The following SHANK2 variants were observed in gnomAD, a reference collection of about 807,000 sequenced individuals.
The protein encoded by SHANK2 is SH3 and multiple ankyrin repeat domains protein 2.
Under a neutral mutation model 133.7 loss-of-function variants are expected in SHANK2, and 43 were observed. The observed-to-expected ratio is 0.32, with a 90% CI of 0.25 to 0.41. The LOEUF (loss-of-function observed/expected upper bound fraction) is 0.41. Ranked by LOEUF, SHANK2 falls within the 10% of genes least tolerant of loss-of-function variation. SHANK2 has a pLI of 1.00. For synonymous variants in SHANK2, 1,017 were observed against 952.8 expected (o/e 1.07, Z -1.24); for missense variants, 1,994 against 2,235.8 (o/e 0.89, Z 2.18).
At chr11:71,159,384 T>A (rs1468440614) in intron 2 of SHANK2, among the ~76,000 whole-genome samples, 3 of 152,158 alleles carry the variant, frequency 2.0e-5, no homozygotes, top group African/African-American at 7.2e-5. Flanking sequence ...ACCCTTGTGA[T>A]GACATTCAGG....
rs1312396801 is a variant in SHANK2 at position 70,470,114 on chromosome 11, G to T, written c.*2755C>A. The T allele has an allele frequency of 1.3e-5, 2 of 152,658 alleles. No homozygotes were observed. The highest frequency in any genetic ancestry group is 4.8e-5 in the African/African-American group (2 of 41,462). The allele number at this position is 152,658 out of a possible 1,614,324, so 9.5% of individuals were successfully genotyped here. A position where few individuals can be genotyped will look rare whatever the true frequency, so the allele number is the denominator to read the frequency against. The stretch of plus-strand genomic sequence containing the variant: ...CTCGTCCTAACATGTCCCAAAGGGG[G>T]AGAACAGTGGGTGGTGATTTGAATG... On this transcript the variant is annotated 3_prime_UTR_variant, in exon 26 of 26. Transcript: ENST00000601538.
intron 15 of SHANK2, among the ~76,000 whole-genome samples, chr11:70,694,112 AACTTAAG>A (rs1555021710): frequency 2.0e-5 from 3 of 152,130 alleles, no homozygotes; most frequent in Non-Finnish European, 4.4e-5. Flanking sequence ...GAGGAGTGGG[AACTTAAG>A]ATTCCCATTC....
At chr11:70,781,095 C>T (rs1380301640) in intron 14 of SHANK2, among the ~76,000 whole-genome samples, 5 of 151,954 alleles carry the variant, frequency 3.3e-5, no homozygotes, top group African/African-American at 4.8e-5. Flanking sequence ...GGGTTCCATT[C>T]GTCAGCTGAC....
At chr11:70,616,003 G>A (rs1227251601) in intron 17 of SHANK2, among the ~76,000 whole-genome samples, 3 of 152,148 alleles carry the variant, frequency 2.0e-5, no homozygotes, top group African/African-American at 2.4e-5. Flanking sequence ...GGCAGACAGC[G>A]TGGATGCCGA....
At chr11:70,931,335 G>T (rs144726674) in intron 10 of SHANK2, among the ~76,000 whole-genome samples, 4 of 152,192 alleles carry the variant, frequency 2.6e-5, no homozygotes, top group Admixed American at 2.0e-4. Flanking sequence ...GACTATACAC[G>T]TTAGACGGGT....
intron 8 of SHANK2, 100 bp from the exon 9 acceptor site, chr11:71,075,375 CCAAGG>C (rs1359480109): frequency 0.86 from 136,779 of 159,598 alleles, 61,899 homozygotes; most frequent in Non-Finnish European, 1. Flanking sequence ...CACCAGAACC[CCAAGG>C]CAGGGCAGGG....
At chr11:70,854,146 A>T (rs1399688011) in intron 11 of SHANK2, among the ~76,000 whole-genome samples, 1 of 152,154 alleles carries the variant, frequency 6.6e-6, no homozygotes, top group Non-Finnish European at 1.5e-5. Context: ...ATGTACACGC[A>T]TTTACCCCTT....
intron 25 of SHANK2, among the ~76,000 whole-genome samples, chr11:70,483,717 T>C (rs530482034): frequency 1.8e-4 from 27 of 152,252 alleles, no homozygotes; most frequent in Admixed American, 1.4e-3. Flanking sequence ...AGCAACACCC[T>C]TTCTCAAAAT....
chr11:70,638,206 A>T (rs1288482910), intron 17 of SHANK2, among the ~76,000 whole-genome samples: 1 of 152,238 alleles, frequency 6.6e-6, no homozygotes, highest in Admixed American at 6.5e-5. Context: ...TCCGGGGGGA[A>T]CAGGCTCGGC....
chr11:70,522,354 C>T (rs1195602141), intron 17 of SHANK2, among the ~76,000 whole-genome samples: 1 of 152,168 alleles, frequency 6.6e-6, no homozygotes, highest in Non-Finnish European at 1.5e-5. Context: ...CCAATCAAAC[C>T]TCTAAAAATT....
At chr11:71,174,833 C>G (rs370536002) in intron 2 of SHANK2, 6 of 152,266 alleles carry the variant, frequency 3.9e-5, no homozygotes, top group African/African-American at 1.4e-4. Flanking sequence ...GCTTGGGCAA[C>G]AGAGTGTGAT....
intron 17 of SHANK2, among the ~76,000 whole-genome samples, chr11:70,568,122 C>T (rs1199450139): frequency 6.6e-6 from 1 of 152,154 alleles, no homozygotes; most frequent in Admixed American, 6.5e-5. Context: ...TGCAATGGAT[C>T]CAGTGAAAGG....
intron 2 of SHANK2, among the ~76,000 whole-genome samples, chr11:71,195,164 G>A (rs1241570818): frequency 3.3e-5 from 5 of 152,132 alleles, no homozygotes; most frequent in East Asian, 1.9e-4. Context: ...AGGCTGAGGC[G>A]GGAGGATCAC....
In SHANK2 at chr11:71,093,325, C is replaced by G. The variant is rs570775232; in HGVS notation, c.745-736G>C. Among the ~76,000 whole-genome samples, 6 of 152,282 alleles carry G rather than the reference C, an allele frequency of 3.9e-5. No homozygotes were observed. In the East Asian group the frequency reaches 1.2e-3, roughly 29 times the overall value. ...ATTCCGCACGCTGAGGGTGGCGAAC[C>G]TAGCAAGCATCGCGTCTTCAAGAAT... is the stretch of plus-strand genomic sequence containing the variant. On this transcript the variant is annotated intron_variant, in intron 7 of 25. Coordinates refer to ENST00000601538, the MANE Select transcript of SHANK2 (RefSeq NM_012309.5).
intron 2 of SHANK2, among the ~76,000 whole-genome samples, chr11:71,172,775 A>C (rs1953345118): frequency 6.6e-6 from 1 of 152,198 alleles, no homozygotes; most frequent in Non-Finnish European, 1.5e-5. Flanking sequence ...CCACCCAGGA[A>C]GCCTGCATAG....
chr11:70,849,588 G>T (rs1214633821), intron 11 of SHANK2, among the ~76,000 whole-genome samples: 1 of 152,120 alleles, frequency 6.6e-6, no homozygotes, highest in Non-Finnish European at 1.5e-5. Context: ...AAATACAAGG[G>T]ATCACTGTGT....
At chr11:70,801,080 T>C (rs1325568523) in intron 13 of SHANK2, among the ~76,000 whole-genome samples, 1 of 152,208 alleles carries the variant, frequency 6.6e-6, no homozygotes, top group Non-Finnish European at 1.5e-5. Flanking sequence ...CATAAGTGTT[T>C]CTATGCGTGA....
chr11:70,607,226 C>T (rs1554992734), intron 17 of SHANK2, among the ~76,000 whole-genome samples: 1 of 152,202 alleles, frequency 6.6e-6, no homozygotes, highest in African/African-American at 2.4e-5. Context: ...GCAGATTGCC[C>T]AGGTCACGTA....
intron 10 of SHANK2, among the ~76,000 whole-genome samples, chr11:70,922,020 C>A (rs1555080773): frequency 6.6e-6 from 1 of 152,064 alleles, no homozygotes; most frequent in African/African-American, 2.4e-5. Flanking sequence ...TTAGTATGAT[C>A]AAGAAGGTAA....
Sources: gnomAD v4.1 joint callset for allele counts (sites outside exome capture counted in the v4.1 genomes callset) on GRCh38, gnomAD v4.1.1 for gene constraint, MANE v1.5 for transcripts, NCBI Gene and HGNC (gene_info 2026-07-23, HGNC 2026-07-21) for gene names.